The following MAP7 variants were observed in gnomAD, a reference collection of about 807,000 sequenced individuals.
MAP7 encodes ensconsin.
In MAP7, 52 loss-of-function variants were observed where a neutral mutation model predicts 94.8. The ratio of observed to expected loss-of-function variants is 0.55; its 90% CI spans 0.44 to 0.69. MAP7 has a LOEUF of 0.69. Among genes scored for constraint, MAP7 ranks in the 30% least tolerant of loss-of-function variants. The pLI, the probability that MAP7 is intolerant of heterozygous loss-of-function variation, is 0.00. For synonymous variants in MAP7, 350 were observed against 357.0 expected (o/e 0.98, Z 0.22); for missense variants, 940 against 964.6 (o/e 0.97, Z 0.34).
chr6:136,347,943 AGAAGG>A (rs1788133412), intron 16 of MAP7, among the ~76,000 whole-genome samples: 1 of 152,106 alleles, frequency 6.6e-6, no homozygotes, highest in African/African-American at 2.4e-5. Flanking sequence ...TATTTTACTA[AGAAGG>A]GAAGGGAATG....
intron 3 of MAP7, among the ~76,000 whole-genome samples, chr6:136,401,175 C>T (rs1357832887): frequency 6.6e-6 from 1 of 152,120 alleles, no homozygotes. Flanking sequence ...ATAGCAAGAC[C>T]CCCATCTCCA....
chr6:136,548,465 T>TTA (rs1296465412), intron 1 of MAP7, among the ~76,000 whole-genome samples: 2 of 152,120 alleles, frequency 1.3e-5, no homozygotes, highest in Non-Finnish European at 2.9e-5. Flanking sequence ...TTCAGTGAAA[T>TTA]TATAAAGTAT....
intron 6 of MAP7, among the ~76,000 whole-genome samples, chr6:136,382,272 C>CA (rs1381109039): frequency 1.3e-5 from 2 of 152,158 alleles, no homozygotes; most frequent in African/African-American, 4.8e-5. Flanking sequence ...TCCCTACTCC[C>CA]ACCCTTACCC....
intron 1 of MAP7, among the ~76,000 whole-genome samples, chr6:136,469,194 T>A (rs1445570142): frequency 1.3e-5 from 2 of 152,162 alleles, no homozygotes; most frequent in African/African-American, 4.8e-5. Context: ...GAAAGAGGCA[T>A]GATCCTAAAT....
chr6:136,506,304 G>A (rs1200442808), intron 1 of MAP7, among the ~76,000 whole-genome samples: 1 of 152,034 alleles, frequency 6.6e-6, no homozygotes, highest in Non-Finnish European at 1.5e-5. Flanking sequence ...TCATTACTGT[G>A]GATGGTATTA....
At chr6:136,521,801 G>C (rs921005618) in intron 1 of MAP7, among the ~76,000 whole-genome samples, 4 of 152,312 alleles carry the variant, frequency 2.6e-5, no homozygotes, top group African/African-American at 9.6e-5. Flanking sequence ...TGGGATAGGA[G>C]TCTATATCCC....
intron 7 of MAP7, among the ~76,000 whole-genome samples, chr6:136,373,392 A>G (rs1775163642): frequency 6.6e-6 from 1 of 152,234 alleles, no homozygotes; most frequent in South Asian, 2.1e-4. Flanking sequence ...AATGTTGAAT[A>G]GAACAGAAAT....
intron 1 of MAP7, among the ~76,000 whole-genome samples, chr6:136,440,827 T>TAA (rs71963756): frequency 2.8e-5 from 4 of 140,364 alleles, no homozygotes; most frequent in Admixed American, 7.2e-5. Flanking sequence ...TTTAAGGTCT[T>TAA]AAAAAAAAAA....
intron 1 of MAP7, among the ~76,000 whole-genome samples, chr6:136,477,646 G>A (rs1270264812): frequency 1.3e-5 from 2 of 152,092 alleles, no homozygotes; most frequent in East Asian, 3.8e-4. Context: ...CCCAATACTG[G>A]AGCACTCAGA....
intron 1 of MAP7, among the ~76,000 whole-genome samples, chr6:136,438,845 C>A (rs569785110): frequency 2.0e-5 from 3 of 152,086 alleles, no homozygotes; most frequent in African/African-American, 7.2e-5. Flanking sequence ...CCCTTCCCCC[C>A]AACCCCCAGC....
intron 1 of MAP7, among the ~76,000 whole-genome samples, chr6:136,520,958 T>C (rs1414880329): frequency 2.0e-5 from 3 of 152,178 alleles, no homozygotes; most frequent in Non-Finnish European, 4.4e-5. Context: ...GCTTGGACTA[T>C]TCCTTAGGTC....
At chr6:136,456,101 C>G (rs1378890187) in intron 1 of MAP7, among the ~76,000 whole-genome samples, 3 of 152,108 alleles carry the variant, frequency 2.0e-5, no homozygotes, top group Non-Finnish European at 4.4e-5. Flanking sequence ...TTCTAAACAC[C>G]CATTTAGGTT....
intron 1 of MAP7, among the ~76,000 whole-genome samples, chr6:136,545,732 T>G (rs1023799934): frequency 2.2e-4 from 33 of 151,296 alleles, no homozygotes; most frequent in African/African-American, 7.8e-4. Flanking sequence ...TAAAAGTTTA[T>G]TTTTTTATTT....
At chr6:136,363,944 C>G (rs545391277) in intron 10 of MAP7, among the ~76,000 whole-genome samples, 8 of 152,332 alleles carry the variant, frequency 5.3e-5, no homozygotes, top group African/African-American at 1.9e-4. Context: ...GAGGTAAAAA[C>G]CAAGGGTCTG....
At position 136,550,221 on chromosome 6, in the gene MAP7, G is replaced by T. The variant is rs1405335922; in HGVS notation, c.67+121C>A. On this transcript the variant is annotated intron_variant, in intron 1 of 17. Transcript: ENST00000354570. The surrounding 1 kb of genome is among the most constrained non-coding windows in gnomAD (Gnocchi z 5.1). ...GCGGCGCGCAGGGCCGGTTGTTCCG[G>T]GCCGCGGCCGCGCGGGCGGGGAGGG... 1.2e-6 allele frequency: 1 copy of T among 852,950 alleles called. No homozygotes were observed. Among genetic ancestry groups the T allele is most frequent in the Non-Finnish European group, 1.6e-6 (1 of 644,890 alleles). 52.8% of individuals were successfully genotyped at this position (852,950 alleles called of 1,614,324 possible). A position where few individuals can be genotyped will look rare whatever the true frequency, so the allele number is the denominator to read the frequency against.
chr6:136,505,910 C>T (rs1821369113), intron 1 of MAP7, among the ~76,000 whole-genome samples: 1 of 152,108 alleles, frequency 6.6e-6, no homozygotes. Flanking sequence ...TTAGACATTG[C>T]CTGTGAAGTG....
chr6:136,489,779 T>A (rs1815986963), intron 1 of MAP7, among the ~76,000 whole-genome samples: 1 of 152,112 alleles, frequency 6.6e-6, no homozygotes. Flanking sequence ...TCCACCCACC[T>A]TGGCCTCCTA....
chr6:136,485,704 AG>A (rs1395125502), intron 1 of MAP7, among the ~76,000 whole-genome samples: 1 of 150,246 alleles, frequency 6.7e-6, no homozygotes, highest in Non-Finnish European at 1.5e-5. Flanking sequence ...CTGGGACTAC[AG>A]GCGCCCGCCA....
intron 3 of MAP7, among the ~76,000 whole-genome samples, chr6:136,402,762 C>T (rs1389748213): frequency 1.3e-5 from 2 of 151,534 alleles, no homozygotes; most frequent in Admixed American, 6.6e-5. Flanking sequence ...AAAAATTAGC[C>T]GGGTGCGGTG....
Sources: allele counts gnomAD v4.1 joint callset (sites outside exome capture counted in the v4.1 genomes callset), GRCh38; gene constraint gnomAD v4.1.1; non-coding constraint Gnocchi (gnomAD v3.1); transcripts MANE v1.5; gene names NCBI Gene and HGNC (gene_info 2026-07-23, HGNC 2026-07-21).